Variants in SEZ6L observed in about 807,000 individuals in gnomAD.
The protein encoded by SEZ6L is seizure 6-like protein.
Under a neutral mutation model 106.2 loss-of-function variants are expected in SEZ6L, and 37 were observed. That is an observed-to-expected ratio of 0.35 (90% CI 0.27 to 0.46). The LOEUF is 0.46. Ranked by LOEUF, SEZ6L falls within the 20% of genes least tolerant of loss-of-function variation. The pLI, the probability that SEZ6L is intolerant of heterozygous loss-of-function variation, is 1.00. For missense variants in SEZ6L, 1,172 were observed against 1,332.8 expected (o/e 0.88, Z 1.88); for synonymous variants, 541 against 570.4 (o/e 0.95, Z 0.73).
intron 12 of SEZ6L, among the ~76,000 whole-genome samples, chr22:26,354,275 TAAG>T (rs1170145698): frequency 6.6e-6 from 1 of 152,126 alleles, no homozygotes; most frequent in Non-Finnish European, 1.5e-5. Context: ...GGTGTCTTTG[TAAG>T]AAGAGGGAAA....
In SEZ6L at chr22:26,169,473, C is replaced by G. The variant is rs1938410794; in HGVS notation, c.-197C>G. ...GCCGGCTCCTCCTCACTCGCCCGCC[C>G]GCGCCCGGCGCAGCTCGGCCAGAGC... On this transcript the variant is annotated 5_prime_UTR_variant, in exon 1 of 17. Coordinates refer to ENST00000248933, the MANE Select transcript of SEZ6L (RefSeq NM_021115.5). 3.0e-6 allele frequency: 1 copy of G among 338,574 alleles called. No homozygotes were observed. Among genetic ancestry groups the G allele is most frequent in the Non-Finnish European group, 5.3e-6 (1 of 188,144 alleles). The allele number at this position is 338,574 out of a possible 1,614,324, so 21.0% of individuals were successfully genotyped here. A position where few individuals can be genotyped will look rare whatever the true frequency, so the allele number is the denominator to read the frequency against.
Position 26,371,925 on chromosome 22 carries a change from G to GA in SEZ6L, c.2795-1519dup, listed in dbSNP as rs532946631. On this transcript the variant is annotated intron_variant, in intron 13 of 16. Transcript: ENST00000248933. Reference sequence around the variant, plus strand: ...GAAATGAGAAATCACTTCCTCCTCAGAAAAAAACTGGGATGCATGACATTG... The same window carrying GA: ...GAAATGAGAAATCACTTCCTCCTCAGAAAAAAAACTGGGATGCATGACATTG... Among the ~76,000 whole-genome samples, 128 of 152,250 alleles carry GA rather than the reference G, an allele frequency of 8.4e-4. 1 individual carries two copies. The highest frequency in any genetic ancestry group is 2.9e-3 in the African/African-American group (119 of 41,540).
chr22:26,273,064 A>C (rs1025881266), intron 1 of SEZ6L, among the ~76,000 whole-genome samples: 9 of 152,264 alleles, frequency 5.9e-5, no homozygotes, highest in African/African-American at 2.2e-4. Flanking sequence ...AAGAGTTGCT[A>C]TCATCATGTG....
intron 1 of SEZ6L, among the ~76,000 whole-genome samples, chr22:26,203,150 C>T (rs1454242172): frequency 1.3e-5 from 2 of 152,206 alleles, no homozygotes; most frequent in South Asian, 2.1e-4. Context: ...GTGTCTAGAA[C>T]ATCTCTCTAG....
chr22:26,313,689 C>T, intron 8 of SEZ6L, 75 bp from the exon 9 acceptor site: 1 of 1,552,894 alleles, frequency 6.4e-7, no homozygotes, highest in South Asian at 1.1e-5. Flanking sequence ...CTTCATAGCC[C>T]ACATGGTTAG....
intron 9 of SEZ6L, among the ~76,000 whole-genome samples, chr22:26,330,344 C>T (rs576098509): frequency 2.0e-4 from 31 of 152,174 alleles, no homozygotes; most frequent in Non-Finnish European, 3.1e-4. Context: ...AAGAGTCGTA[C>T]TTACAGGGTT....
At chr22:26,260,436 T>C (rs1039948485) in intron 1 of SEZ6L, among the ~76,000 whole-genome samples, 3 of 152,204 alleles carry the variant, frequency 2.0e-5, no homozygotes, top group African/African-American at 7.2e-5. Context: ...TAGTCTTCAG[T>C]TCCATCCACG....
chr22:26,232,346 T>TCACACACACACACACA (rs10654892), intron 1 of SEZ6L, among the ~76,000 whole-genome samples: 1 of 133,172 alleles, frequency 7.5e-6, no homozygotes, highest in Non-Finnish European at 1.6e-5. Context: ...TCTCTGTCTT[T>TCACACACACACACACA]CACACACACA....
intron 1 of SEZ6L, among the ~76,000 whole-genome samples, chr22:26,248,208 C>T (rs977798792): frequency 1.3e-5 from 2 of 152,190 alleles, no homozygotes; most frequent in Admixed American, 6.5e-5. Context: ...CCTCCAGTGT[C>T]AACATCATTG....
chr22:26,326,061 C>T (rs558032172), intron 9 of SEZ6L, among the ~76,000 whole-genome samples: 1 of 152,198 alleles, frequency 6.6e-6, no homozygotes, highest in Non-Finnish European at 1.5e-5. Context: ...TCCTCTCCCC[C>T]ACGATTTGCA....
intron 9 of SEZ6L, among the ~76,000 whole-genome samples, chr22:26,333,574 G>A (rs996591901): frequency 6.6e-6 from 1 of 152,148 alleles, no homozygotes; most frequent in African/African-American, 2.4e-5. Flanking sequence ...ATCTGAGCCC[G>A]AAACCTGGCC....
At chr22:26,259,679 A>T (rs1172180235) in intron 1 of SEZ6L, among the ~76,000 whole-genome samples, 1 of 152,190 alleles carries the variant, frequency 6.6e-6, no homozygotes, top group African/African-American at 2.4e-5. Flanking sequence ...CCACCACGTG[A>T]ATAGCTCAAG....
intron 1 of SEZ6L, among the ~76,000 whole-genome samples, chr22:26,208,416 G>A (rs867147331): frequency 1.8e-4 from 28 of 152,064 alleles, no homozygotes; most frequent in Admixed American, 6.6e-4. Flanking sequence ...TGAATATGCC[G>A]TTAGTTTACT....
At chr22:26,224,386 A>G (rs2078574864) in intron 1 of SEZ6L, among the ~76,000 whole-genome samples, 1 of 152,148 alleles carries the variant, frequency 6.6e-6, no homozygotes, top group South Asian at 2.1e-4. Flanking sequence ...TGGGTGCAGG[A>G]GTAAAGGGGG....
At chr22:26,182,940 C>A (rs958330559) in intron 1 of SEZ6L, among the ~76,000 whole-genome samples, 1 of 152,056 alleles carries the variant, frequency 6.6e-6, no homozygotes, top group Non-Finnish European at 1.5e-5. Context: ...GAATGAGTGA[C>A]GTCAGGAGCA....
intron 1 of SEZ6L, among the ~76,000 whole-genome samples, chr22:26,212,375 G>T (rs1473483704): frequency 6.6e-6 from 1 of 152,196 alleles, no homozygotes; most frequent in Non-Finnish European, 1.5e-5. Flanking sequence ...GCTAAAATGA[G>T]TTGGAAACCC....
chr22:26,223,696 A>C (rs980968025), intron 1 of SEZ6L, among the ~76,000 whole-genome samples: 10 of 152,216 alleles, frequency 6.6e-5, no homozygotes, highest in African/African-American at 2.4e-4. Context: ...ATTATTGTGC[A>C]TTTTAAATCA....
At chr22:26,375,464 A>T (rs2084188647) in intron 14 of SEZ6L, 111 bp from the exon 15 acceptor site, 2 of 801,310 alleles carry the variant, frequency 2.5e-6, no homozygotes, top group Non-Finnish European at 2.2e-6. Context: ...GCCCTCCCAG[A>T]GCCTTAGACC....
At chr22:26,199,447 A>G (rs1374265585) in intron 1 of SEZ6L, among the ~76,000 whole-genome samples, 1 of 152,200 alleles carries the variant, frequency 6.6e-6, no homozygotes, top group East Asian at 1.9e-4. Context: ...CCAGAGTTTG[A>G]TGATGTTGGG....
Sources: allele counts gnomAD v4.1 joint callset (sites outside exome capture counted in the v4.1 genomes callset), GRCh38; gene constraint gnomAD v4.1.1; transcripts MANE v1.5; gene names NCBI Gene and HGNC (gene_info 2026-07-23, HGNC 2026-07-21).